The following SHC3 variants were observed in gnomAD, a reference collection of about 807,000 sequenced individuals.
SHC3 encodes SHC adaptor protein 3.
In SHC3, 15 loss-of-function variants were observed where a neutral mutation model predicts 60.4. The ratio of observed to expected loss-of-function variants is 0.25; its 90% CI spans 0.17 to 0.38. The LOEUF (loss-of-function observed/expected upper bound fraction) is 0.38. Ranked by LOEUF, SHC3 falls within the 10% of genes least tolerant of loss-of-function variation. The probability of loss-of-function intolerance (pLI) is 1.00; values close to 1 mark genes in which losing one functional copy is unlikely to be tolerated. For synonymous variants in SHC3, 294 were observed against 325.9 expected, an observed-to-expected ratio of 0.90 and a Z score of 1.05; for missense variants, 677 against 786.1, an observed-to-expected ratio of 0.86 and a Z score of 1.66.
rs1354253165 is a variant in SHC3, at chr9:89,163,093, A to AACAGGTGCT, written c.474+14885_474+14893dup. 1.0e-3 allele frequency among the ~76,000 whole-genome samples: 149 copies of AACAGGTGCT among 145,190 alleles called. 1 individual carries two copies. Among genetic ancestry groups the AACAGGTGCT allele is most frequent in the African/African-American group, 3.6e-3 (142 of 39,108 alleles). ...GGCAATCATTAAAAAGTCAGGAAAC[A>AACAGGTGCT]ACAGGTGCTGGAGAGGATGTGGAGA... On this transcript the variant is annotated intron_variant, in intron 1 of 11. Transcript: ENST00000375835.
intron 1 of SHC3, among the ~76,000 whole-genome samples, chr9:89,159,166 T>G (rs1029304666): frequency 4.6e-5 from 7 of 151,826 alleles, no homozygotes; most frequent in Admixed American, 2.0e-4. Flanking sequence ...AGTAGTGATA[T>G]CTTAGACAAA....
chr9:89,157,684 T>C (rs1826642988), intron 1 of SHC3, among the ~76,000 whole-genome samples: 1 of 152,154 alleles, frequency 6.6e-6, no homozygotes, highest in Non-Finnish European at 1.5e-5. Context: ...GGTGCAATCA[T>C]AGCTCACTGC....
chr9:89,137,027 G>A (rs922157049), intron 1 of SHC3, among the ~76,000 whole-genome samples: 1 of 152,056 alleles, frequency 6.6e-6, no homozygotes. Context: ...GCAGGATGGA[G>A]AGAGAGTGAA....
At chr9:89,136,972 T>C (rs1292812356) in intron 1 of SHC3, among the ~76,000 whole-genome samples, 1 of 152,038 alleles carries the variant, frequency 6.6e-6, no homozygotes, top group Non-Finnish European at 1.5e-5. Context: ...CTTATAATCA[T>C]GGTAGAAGGG....
chr9:89,068,667 T>A (rs948419428), intron 5 of SHC3, among the ~76,000 whole-genome samples: 3 of 151,800 alleles, frequency 2.0e-5, no homozygotes, highest in Admixed American at 6.6e-5. Flanking sequence ...CCAATTTTTT[T>A]TAAAAAAAAA....
intron 2 of SHC3, among the ~76,000 whole-genome samples, chr9:89,108,126 T>C (rs1825890929): frequency 2.0e-5 from 3 of 152,208 alleles, no homozygotes; most frequent in Admixed American, 6.5e-5. Flanking sequence ...GGCTATGCTA[T>C]ATAGCCTAGG....
At chr9:89,023,107 C>T (rs533333030) in intron 11 of SHC3, among the ~76,000 whole-genome samples, 1 of 152,296 alleles carries the variant, frequency 6.6e-6, no homozygotes, top group East Asian at 1.9e-4. Flanking sequence ...CGCAGGCTTC[C>T]TCTATGAGAA....
At chr9:89,109,050 G>C (rs1330796146) in intron 2 of SHC3, 5 of 985,360 alleles carry the variant, frequency 5.1e-6, no homozygotes, top group Non-Finnish European at 6.0e-6. Context: ...GACCTTACCT[G>C]CCCTTCTTCC....
chr9:89,120,951 G>C (rs1826084476), intron 1 of SHC3, among the ~76,000 whole-genome samples: 1 of 151,302 alleles, frequency 6.6e-6, no homozygotes, highest in African/African-American at 2.4e-5. Flanking sequence ...CATTTTAAAA[G>C]AGGATTTATT....
Position 89,012,159 on chromosome 9 carries a change from CT to C in SHC3, c.*1287del, listed in dbSNP as rs1826021390. 6.6e-6 allele frequency: 1 copy of C among 152,228 alleles called. No individual in the cohort carries two copies. The highest frequency in any genetic ancestry group is 2.1e-4 in the South Asian group (1 of 4,830). 9.4% of individuals were successfully genotyped at this position (152,228 alleles called of 1,614,324 possible). A position where few individuals can be genotyped will look rare whatever the true frequency, so the allele number is the denominator to read the frequency against. ...GATCCATCTATTCTTTAAAGGGCAT[CT>C]GTGAAAATCACAGGGCAATCTCAGC... On this transcript the variant is annotated 3_prime_UTR_variant, in exon 12 of 12. Coordinates refer to ENST00000375835, the MANE Select transcript of SHC3 (RefSeq NM_016848.6).
chr9:89,144,817 T>C (rs559336898), intron 1 of SHC3, among the ~76,000 whole-genome samples: 1 of 152,130 alleles, frequency 6.6e-6, no homozygotes, highest in Admixed American at 6.5e-5. Context: ...CTCAATGCAG[T>C]GTATCCCCAA....
chr9:89,169,032 C>A (rs192265218), intron 1 of SHC3, among the ~76,000 whole-genome samples: 4 of 152,324 alleles, frequency 2.6e-5, no homozygotes, highest in Admixed American at 1.3e-4. Context: ...GCCCACCCTG[C>A]AGATCTTGGG....
At chr9:89,059,531 AGTGGTGTAGGATGTGGTGGAGGGTG>A (rs1200585992) in intron 6 of SHC3, among the ~76,000 whole-genome samples, 3 of 114,634 alleles carry the variant, frequency 2.6e-5, no homozygotes, top group Admixed American at 8.5e-5. Context: ...GGTGGAGGAC[AGTGGTGTAGGATGTGGTGGAGGGTG>A]GTGGTGGAGG....
intron 1 of SHC3, among the ~76,000 whole-genome samples, chr9:89,166,689 T>C (rs1826794168): frequency 6.6e-6 from 1 of 151,916 alleles, no homozygotes; most frequent in Non-Finnish European, 1.5e-5. Context: ...GATCACTGCA[T>C]GTTGATGTGA....
chr9:89,127,102 C>T (rs534287124), intron 1 of SHC3, among the ~76,000 whole-genome samples: 13 of 152,326 alleles, frequency 8.5e-5, no homozygotes, highest in African/African-American at 2.6e-4. Context: ...AGTACTGTAG[C>T]TCAGTAGCTA....
intron 2 of SHC3, among the ~76,000 whole-genome samples, chr9:89,083,606 A>C (rs1825480786): frequency 1.3e-5 from 2 of 152,210 alleles, no homozygotes; most frequent in Non-Finnish European, 2.9e-5. Flanking sequence ...ATGAGCTGGG[A>C]AGTTACTGAT....
chr9:89,035,981 G>T (rs1291174600), intron 11 of SHC3, among the ~76,000 whole-genome samples: 1 of 151,122 alleles, frequency 6.6e-6, no homozygotes, highest in East Asian at 1.9e-4. Flanking sequence ...GCTAACAAAA[G>T]AAAATATATA....
intron 2 of SHC3, among the ~76,000 whole-genome samples, chr9:89,078,616 G>A (rs776064027): frequency 1.3e-5 from 2 of 152,188 alleles, no homozygotes; most frequent in African/African-American, 4.8e-5. Context: ...CATGGGGCAG[G>A]AGGACCCCAG....
At chr9:89,129,511 G>T (rs951236930) in intron 1 of SHC3, among the ~76,000 whole-genome samples, 1 of 152,154 alleles carries the variant, frequency 6.6e-6, no homozygotes, top group African/African-American at 2.4e-5. Flanking sequence ...CAGAGAGAAA[G>T]GTCGGGTTAC....
Sources: gnomAD v4.1 joint callset for allele counts (sites outside exome capture counted in the v4.1 genomes callset) on GRCh38, gnomAD v4.1.1 for gene constraint, MANE v1.5 for transcripts, NCBI Gene and HGNC (gene_info 2026-07-23, HGNC 2026-07-21) for gene names.